The following CDHR2 variants were observed in gnomAD, a reference collection of about 807,000 sequenced individuals.
CDHR2 encodes cadherin related family member 2.
A neutral mutation model predicts 138.6 loss-of-function variants in CDHR2; 104 were observed. That is an observed-to-expected ratio of 0.75 (90% CI 0.64 to 0.88). The LOEUF is 0.88. Among genes scored for constraint, CDHR2 ranks in the 40% least tolerant of loss-of-function variants. CDHR2 has a pLI of 0.00. For synonymous variants in CDHR2, 755 were observed against 742.8 expected (o/e 1.02, Z -0.27); for missense variants, 1,624 against 1,727.6 (o/e 0.94, Z 1.06).
chr5:176,545,173 TG>T (rs1304403124), upstream of CDHR2, among the ~76,000 whole-genome samples: 1 of 152,058 alleles, frequency 6.6e-6, no homozygotes, highest in Non-Finnish European at 1.5e-5. Context: ...AGGAGTGTAG[TG>T]GTGCAATCTC....
chr5:176,542,606 T>TC (rs1757475585), exon 1 of CDHR2: 1 of 151,964 alleles, frequency 6.6e-6, no homozygotes, highest in African/African-American at 2.4e-5. Flanking sequence ...TCTACCCGAA[T>TC]CCCCCACTGT....
chr5:176,573,997 G>A, intron 6 of CDHR2, 86 bp from the exon 7 acceptor site: 1 of 1,042,422 alleles, frequency 9.6e-7, no homozygotes, highest in Non-Finnish European at 1.5e-6. Context: ...GCACAGCTGA[G>A]GACACTGAAG....
chr5:176,581,632 G>A, intron 17 of CDHR2, 50 bp downstream of exon 17: 1 of 1,596,954 alleles, frequency 6.3e-7, no homozygotes, highest in Non-Finnish European at 8.5e-7. Context: ...CAAGCCGATA[G>A]CCAGCCCCTC....
intron 1 of CDHR2, among the ~76,000 whole-genome samples, chr5:176,550,574 G>A (rs777760163): frequency 6.6e-6 from 1 of 152,268 alleles, no homozygotes; most frequent in Non-Finnish European, 1.5e-5. Context: ...GCATCTATGA[G>A]CCTCGGTTTC....
At chr5:176,574,250 A>C in intron 7 of CDHR2, 78 bp downstream of exon 7, 1 of 1,090,574 alleles carries the variant, frequency 9.2e-7, no homozygotes, top group Non-Finnish European at 1.4e-6. Flanking sequence ...CAGGGCCTGA[A>C]CGTTGGGGTG....
upstream of CDHR2, among the ~76,000 whole-genome samples, chr5:176,548,349 CCTTT>C (rs1161684977): frequency 6.6e-6 from 1 of 152,210 alleles, no homozygotes; most frequent in Non-Finnish European, 1.5e-5. Flanking sequence ...CCCAGGGTCC[CCTTT>C]CTGTGTCAAC....
In CDHR2 at chr5:176,590,300, G is replaced by T. The variant is rs780080020; in HGVS notation, c.3323G>T (p.Gly1108Val). ...GATGCCTACTTTGTCTTCCCCAATG[G>T]GTCAGCCCTGACCCTTGATGAGCTG... ...YLDAYFVFPN[G>V]SALTLDELSV... Residue 1108 changes from glycine to valine, a missense_variant, in exon 26 of 32, where the codon GGG becomes GTG. By Grantham distance (109) the Gly-to-Val change is moderately radical (BLOSUM62 -3). This residue lies in a region of CDHR2 where 556 missense variants were observed against 565.7 expected (regional missense o/e 0.98). Coordinates refer to ENST00000261944, the MANE Select transcript of CDHR2 (RefSeq NM_017675.6). The T allele has an allele frequency of 1.2e-6, 2 of 1,614,152 alleles. No homozygotes were observed. Among genetic ancestry groups the T allele is most frequent in the South Asian group, 1.1e-5 (1 of 91,088 alleles).
At position 176,584,370 on chromosome 5, in the gene CDHR2, G is replaced by A. The variant is rs200531459; in HGVS notation, c.2129-40G>A. The A allele has an allele frequency of 4.8e-4, 774 of 1,607,094 alleles. 4 individuals carry two copies. The highest frequency in any genetic ancestry group is 2.5e-3 in the Middle Eastern group (15 of 6,020). On this transcript the variant is annotated intron_variant, in intron 18 of 31. Transcript: ENST00000261944. ...AAGGGCAGAGGAGGCTTCCGATGGCGGGGTCAGGAGTCCTTCTGAGCTCTG... is the reference window on the plus strand; with the variant it reads ...AAGGGCAGAGGAGGCTTCCGATGGCAGGGTCAGGAGTCCTTCTGAGCTCTG...
In CDHR2 at chr5:176,595,581, G is replaced by A. The variant is rs1759007920; in HGVS notation, c.3842G>A (p.Ser1281Asn). 1.2e-6 allele frequency: 2 copies of A among 1,612,948 alleles called. No homozygotes were observed. Among genetic ancestry groups the A allele is most frequent in the East Asian group, 2.2e-5 (1 of 44,766 alleles). Residue 1281 changes from serine (S) to asparagine (N), a missense_variant, in exon 32 of 32, where the codon AGC becomes AAC. Ser to Asn is a conservative substitution (Grantham distance 46, BLOSUM62 1). Coordinates refer to ENST00000261944, the MANE Select transcript of CDHR2 (RefSeq NM_017675.6). The part of the protein sequence containing the change: ...TPPEPDPEPL[S>N]VVLLGRQAGA... ...CCAGAGCCAGATCCAGAGCCCCTGA[G>A]CGTGGTCCTGTTAGGACGGCAGGCA...
At chr5:176,585,879 G>T (rs1758652082) in intron 19 of CDHR2, 75 bp from the exon 20 acceptor site, 18 of 1,154,618 alleles carry the variant, frequency 1.6e-5, no homozygotes, top group South Asian at 7.5e-5. Context: ...GAGGCTGTGG[G>T]GCACAGGGTT....
At chr5:176,558,248 C>G (rs1327926277) in intron 1 of CDHR2, among the ~76,000 whole-genome samples, 1 of 147,286 alleles carries the variant, frequency 6.8e-6, no homozygotes, top group East Asian at 2.0e-4. Flanking sequence ...CGGAGTCTCA[C>G]TCTGTCGCCC....
At position 176,586,757 on chromosome 5, in the gene CDHR2, C is replaced by T. The variant is rs766296589; in HGVS notation, c.2807-36C>T. Reference sequence around the variant, plus strand: ...GCCTTGGTCCAGGTGGGCAGTGTCCCGACCCCGCTGACCCCGTTCCCGTTC... The same window carrying T: ...GCCTTGGTCCAGGTGGGCAGTGTCCTGACCCCGCTGACCCCGTTCCCGTTC... On this transcript the variant is annotated intron_variant, in intron 20 of 31. Coordinates refer to ENST00000261944, the MANE Select transcript of CDHR2 (RefSeq NM_017675.6). 110 of 1,577,634 alleles carry T rather than the reference C, an allele frequency of 7.0e-5. 1 individual carries two copies. The highest frequency in any genetic ancestry group is 1.7e-4 in the Middle Eastern group (1 of 5,954).
intron 1 of CDHR2, among the ~76,000 whole-genome samples, chr5:176,564,813 G>A (rs1758043245): frequency 6.6e-6 from 1 of 152,002 alleles, no homozygotes; most frequent in Non-Finnish European, 1.5e-5. Flanking sequence ...GAAGGACCCT[G>A]CCCACCCATA....
chr5:176,590,697 C>T lies in CDHR2; in HGVS notation c.3539+10C>T, dbSNP rs751742945. 1.2e-6 allele frequency: 2 copies of T among 1,612,594 alleles called. No individual in the cohort carries two copies. The highest frequency in any genetic ancestry group is 2.2e-5 in the South Asian group (2 of 91,016). On this transcript the variant is annotated intron_variant, in intron 28 of 31. Transcript: ENST00000261944. ...TGTGTGTGCGGAAGAGGTGCGGCTC[C>T]CATTGCCCCCGTGTCTCCAACCTTC... is the stretch of plus-strand genomic sequence containing the variant.
Position 176,595,803 on chromosome 5 carries a change from TG to T in CDHR2, c.*135del. Reference sequence around the variant, plus strand: ...TTGGCCAATCACGGCAGACAGGGGTTGGGGAAATATTTTATTACCAATGTAT... The same window carrying T: ...TTGGCCAATCACGGCAGACAGGGGTTGGGAAATATTTTATTACCAATGTAT... On this transcript the variant is annotated 3_prime_UTR_variant, in exon 32 of 32. Transcript: ENST00000261944. 1 of 926,516 alleles carries T rather than the reference TG, an allele frequency of 1.1e-6. No individual in the cohort carries two copies. Among genetic ancestry groups the T allele is most frequent in the Admixed American group, 3.2e-5 (1 of 31,444 alleles). 57.4% of individuals were successfully genotyped at this position (926,516 alleles called of 1,614,324 possible). A position where few individuals can be genotyped will look rare whatever the true frequency, so the allele number is the denominator to read the frequency against.
rs1758532880 is a variant in CDHR2, at chr5:176,581,556, A to G, written c.2032A>G (p.Lys678Glu). The G allele has an allele frequency of 6.2e-7, 1 of 1,613,840 alleles. No individual in the cohort carries two copies. The highest frequency in any genetic ancestry group is 1.3e-5 in the African/African-American group (1 of 74,938). The change falls in exon 17 of 32, where the codon AAA (lysine) becomes GAA (glutamate). Residue 678 changes from lysine to glutamate, a missense_variant. Transcript: ENST00000261944. ...SDCGEPVLGTKVNVTITVEDI... is the reference protein window; with the variant it reads ...SDCGEPVLGTEVNVTITVEDI... Reference sequence around the variant, plus strand: ...CTGCGGCGAGCCTGTCCTCGGCACCAAAGTCAATGTCACCATCACTGTGGA... The same window carrying G: ...CTGCGGCGAGCCTGTCCTCGGCACCGAAGTCAATGTCACCATCACTGTGGA...
Position 176,577,508 on chromosome 5 carries a change from T to C in CDHR2, c.1304T>C (p.Val435Ala), listed in dbSNP as rs1229066135. 2 of 1,612,584 alleles carry C rather than the reference T, an allele frequency of 1.2e-6. No individual in the cohort carries two copies. The highest frequency in any genetic ancestry group is 1.7e-6 in the Non-Finnish European group (2 of 1,179,562). Residue 435 changes from valine to alanine, a missense_variant, in exon 13 of 32, where the codon GTA becomes GCA. Val to Ala is a moderately conservative substitution (Grantham distance 64). Around this residue, in one of 3 missense-constraint regions of CDHR2, gnomAD observed 1,061 missense variants for 1,136.6 expected, o/e 0.93. Transcript: ENST00000261944. Reference protein sequence around the residue: ...GSASVQVLVRVSALVDYERQT... With the variant: ...GSASVQVLVRASALVDYERQT... Reference sequence around the variant, plus strand: ...GCCTCCGTTCAGGTGCTGGTGAGAGTATCCGCGCTGGTGGACTACGAGAGG... The same window carrying C: ...GCCTCCGTTCAGGTGCTGGTGAGAGCATCCGCGCTGGTGGACTACGAGAGG...
upstream of CDHR2, among the ~76,000 whole-genome samples, chr5:176,545,057 A>G (rs752072938): frequency 2.6e-5 from 4 of 152,140 alleles, no homozygotes; most frequent in Admixed American, 6.5e-5. Context: ...TAAATTTCTG[A>G]GTATGCAGTG....
Position 176,576,000 on chromosome 5 carries a change from A to T in CDHR2, c.1009A>T (p.Ile337Phe). Residue 337 changes from isoleucine (I) to phenylalanine (F), a missense_variant, in exon 12 of 32, where the codon ATC becomes TTC. Physicochemically the swap from Ile to Phe is conservative, Grantham distance 21. Around this residue, in one of 3 missense-constraint regions of CDHR2, gnomAD observed 1,061 missense variants for 1,136.6 expected, o/e 0.93. Coordinates refer to ENST00000261944, the MANE Select transcript of CDHR2 (RefSeq NM_017675.6). ...NIYGQEAKVS[I>F]WVTVRVMDVN... ...CTACGGGCAGGAGGCCAAGGTGAGC[A>T]TCTGGGTGACAGTGAGAGTGATGGA... is the stretch of plus-strand genomic sequence containing the variant. 2 of 1,613,630 alleles carry T rather than the reference A, an allele frequency of 1.2e-6. No homozygotes were observed. The highest frequency in any genetic ancestry group is 1.7e-6 in the Non-Finnish European group (2 of 1,179,966).
Sources: gnomAD v4.1 joint callset for allele counts (sites outside exome capture counted in the v4.1 genomes callset) on GRCh38, gnomAD v4.1.1 for gene constraint, gnomAD v4.1.1 regional missense constraint, MANE v1.5 for transcripts, NCBI Gene and HGNC (gene_info 2026-07-23, HGNC 2026-07-21) for gene names.